SYN3: variants seen among roughly 807,000 people sequenced by gnomAD.
SYN3 encodes synapsin III.
Under a neutral mutation model 65.8 loss-of-function variants are expected in SYN3, and 35 were observed. The ratio of observed to expected loss-of-function variants is 0.53; its 90% CI spans 0.41 to 0.70. SYN3 has a LOEUF of 0.70. SYN3 is among the 30% of genes least tolerant of loss of function. The pLI is 0.00. For synonymous variants in SYN3, 270 were observed against 292.9 expected (o/e 0.92, Z 0.80); for missense variants, 680 against 749.0 (o/e 0.91, Z 1.08).
intron 6 of SYN3, among the ~76,000 whole-genome samples, chr22:32,660,805 G>A (rs1286797555): frequency 2.0e-5 from 3 of 152,030 alleles, no homozygotes; most frequent in Non-Finnish European, 4.4e-5. Context: ...GGTCTTGGCC[G>A]AAAAAAAGTG....
chr22:32,661,044 T>C (rs1300198373), intron 6 of SYN3, among the ~76,000 whole-genome samples: 2 of 152,208 alleles, frequency 1.3e-5, no homozygotes, highest in East Asian at 3.8e-4. Flanking sequence ...TCAGCCAGGA[T>C]GTCAAGGTGG....
At chr22:32,532,856 T>G (rs557781502) in intron 10 of SYN3, among the ~76,000 whole-genome samples, 1 of 150,956 alleles carries the variant, frequency 6.6e-6, no homozygotes, top group African/African-American at 2.4e-5. Flanking sequence ...GCACCGCCCA[T>G]GGAAGGAGGG....
At chr22:32,753,268 A>T (rs1369231078) in intron 6 of SYN3, among the ~76,000 whole-genome samples, 1 of 151,998 alleles carries the variant, frequency 6.6e-6, no homozygotes, top group African/African-American at 2.4e-5. Flanking sequence ...AGATCCCATG[A>T]CTCCAAGTCA....
intron 6 of SYN3, among the ~76,000 whole-genome samples, chr22:32,739,344 C>T (rs1288347525): frequency 1.3e-5 from 2 of 150,802 alleles, no homozygotes; most frequent in Non-Finnish European, 2.9e-5. Flanking sequence ...GCCTCCCCAG[C>T]CACATGGAAC....
intron 6 of SYN3, among the ~76,000 whole-genome samples, chr22:32,784,523 T>A (rs774206471): frequency 1.3e-5 from 2 of 152,186 alleles, no homozygotes; most frequent in Non-Finnish European, 2.9e-5. Context: ...AAGTTCCAGA[T>A]GAAACTGCAG....
chr22:32,697,900 A>C (rs150405540), intron 6 of SYN3, among the ~76,000 whole-genome samples: 53 of 152,304 alleles, frequency 3.5e-4, no homozygotes, highest in African/African-American at 8.9e-4. Flanking sequence ...CATCAGCATG[A>C]GAGCATGCCT....
At chr22:32,830,719 A>G (rs1207871410) in intron 6 of SYN3, among the ~76,000 whole-genome samples, 1 of 151,854 alleles carries the variant, frequency 6.6e-6, no homozygotes, top group Non-Finnish European at 1.5e-5. Context: ...GGAATCCCAC[A>G]GTTGTTTCCT....
At chr22:32,732,660 T>G (rs2061285758) in intron 6 of SYN3, among the ~76,000 whole-genome samples, 1 of 152,200 alleles carries the variant, frequency 6.6e-6, no homozygotes, top group South Asian at 2.1e-4. Flanking sequence ...ACATATCCTA[T>G]GAGGTAAATA....
chr22:33,022,148 AC>A (rs1397639597), intron 1 of SYN3, among the ~76,000 whole-genome samples: 4 of 152,098 alleles, frequency 2.6e-5, no homozygotes, highest in African/African-American at 9.7e-5. Flanking sequence ...TAAATTCTCC[AC>A]TCGATGAGGG....
chr22:32,869,689 G>GT (rs1288480674), intron 4 of SYN3, among the ~76,000 whole-genome samples: 8,431 of 118,248 alleles, frequency 0.071, 422 homozygotes, highest in Middle Eastern at 0.14. Context: ...AACACATCTT[G>GT]GTTTTTTTTT....
intron 6 of SYN3, among the ~76,000 whole-genome samples, chr22:32,854,599 G>C (rs996016835): frequency 1.3e-5 from 2 of 152,140 alleles, no homozygotes; most frequent in African/African-American, 2.4e-5. Flanking sequence ...TTCTTCGAAG[G>C]CCACACTCCA....
intron 3 of SYN3, among the ~76,000 whole-genome samples, chr22:32,976,263 T>A (rs546018671): frequency 3.9e-5 from 6 of 152,198 alleles, no homozygotes; most frequent in Non-Finnish European, 8.8e-5. Flanking sequence ...TCGTTCTGGC[T>A]TCCTTCATTG....
At chr22:32,981,541 C>T (rs1039761704) in intron 2 of SYN3, among the ~76,000 whole-genome samples, 10 of 151,872 alleles carry the variant, frequency 6.6e-5, no homozygotes, top group Admixed American at 5.9e-4. Flanking sequence ...GCCAAGATCA[C>T]GCCACTGCAC....
intron 6 of SYN3, among the ~76,000 whole-genome samples, chr22:32,720,204 T>C (rs546284830): frequency 4.5e-4 from 68 of 152,342 alleles, no homozygotes; most frequent in African/African-American, 1.5e-3. Context: ...CACTCTACTA[T>C]TGGTTACCTT....
At chr22:32,961,179 T>C (rs2051639338) in intron 3 of SYN3, among the ~76,000 whole-genome samples, 1 of 152,204 alleles carries the variant, frequency 6.6e-6, no homozygotes, top group Non-Finnish European at 1.5e-5. Flanking sequence ...AGATCTCCCC[T>C]GTTGTGACAA....
rs2059011977 is a variant in SYN3, at chr22:32,585,644, C to T, written c.774+11030G>A. Among the ~76,000 whole-genome samples, 3 of 152,160 alleles carry T rather than the reference C, an allele frequency of 2.0e-5. No homozygotes were observed. In the South Asian group the frequency reaches 6.2e-4, roughly 32 times the overall value. On this transcript the variant is annotated intron_variant, in intron 7 of 13. Coordinates refer to ENST00000358763, the MANE Select transcript of SYN3 (RefSeq NM_003490.4). ...TGCAGGAGGTGGCAGAGGAAGATCT[C>T]AGGTAGAGGTCTTAGCTTTAAGTTC...
intron 6 of SYN3, among the ~76,000 whole-genome samples, chr22:32,686,565 G>A (rs2060591393): frequency 6.9e-6 from 1 of 145,808 alleles, no homozygotes; most frequent in Non-Finnish European, 1.5e-5. Context: ...GAGAGCTACA[G>A]ATTTTCCAGT....
chr22:32,707,533 C>G (rs1259823997), intron 6 of SYN3, among the ~76,000 whole-genome samples: 1 of 152,210 alleles, frequency 6.6e-6, no homozygotes, highest in East Asian at 1.9e-4. Flanking sequence ...AGCTCTGCCT[C>G]TTATTTGCCT....
intron 3 of SYN3, among the ~76,000 whole-genome samples, chr22:32,944,798 T>C (rs1036635135): frequency 6.6e-6 from 1 of 152,128 alleles, no homozygotes; most frequent in Non-Finnish European, 1.5e-5. Flanking sequence ...GAAAACCCCA[T>C]CGTCTCAGCC....
Sources: gnomAD v4.1 joint callset for allele counts (sites outside exome capture counted in the v4.1 genomes callset) on GRCh38, gnomAD v4.1.1 for gene constraint, MANE v1.5 for transcripts, NCBI Gene and HGNC (gene_info 2026-07-23, HGNC 2026-07-21) for gene names.